DIP2C: variants seen among roughly 807,000 people sequenced by gnomAD.
DIP2C encodes disco-interacting protein 2 homolog C.
Under a neutral mutation model 192.4 loss-of-function variants are expected in DIP2C, and 33 were observed. The observed-to-expected ratio is 0.17, with a 90% CI of 0.13 to 0.23. The LOEUF (loss-of-function observed/expected upper bound fraction) is 0.23, where lower values mean the gene tolerates loss of function less well. Ranked by LOEUF, DIP2C falls within the 10% of genes least tolerant of loss-of-function variation. DIP2C has a pLI of 1.00. For synonymous variants in DIP2C, 979 were observed against 864.1 expected, an observed-to-expected ratio of 1.13 and a Z score of -2.33; for missense variants, 1,537 against 2,110.1, an observed-to-expected ratio of 0.73 and a Z score of 5.32.
At position 466,910 on chromosome 10, in the gene DIP2C, T is replaced by C. The variant is rs533762851; in HGVS notation, c.268+5529A>G. Among the ~76,000 whole-genome samples, 32 of 146,358 alleles carry C rather than the reference T, an allele frequency of 2.2e-4. 1 individual carries two copies. The East Asian group carries it at 3.4e-3, about 16-fold the overall frequency. ...AGGTGCTGGAGAGGATGTGGAGAAA[T>C]AGGAACACTTTTACACTGTTGGTGG... On this transcript the variant is annotated intron_variant, in intron 3 of 36. Transcript: ENST00000280886.
chr10:673,162 C>T (rs755892840), intron 1 of DIP2C, among the ~76,000 whole-genome samples: 5 of 152,128 alleles, frequency 3.3e-5, no homozygotes, highest in African/African-American at 9.7e-5. Flanking sequence ...GAGCTCCTGC[C>T]GCCCACCCCA....
intron 14 of DIP2C, among the ~76,000 whole-genome samples, chr10:385,777 A>G (rs1962841769): frequency 6.6e-6 from 1 of 152,120 alleles, no homozygotes; most frequent in Non-Finnish European, 1.5e-5. Flanking sequence ...GGATTCTTGC[A>G]GTCTTGTAGG....
At chr10:614,170 G>T (rs1387666663) in intron 1 of DIP2C, among the ~76,000 whole-genome samples, 1 of 152,196 alleles carries the variant, frequency 6.6e-6, no homozygotes, top group Non-Finnish European at 1.5e-5. Flanking sequence ...CCACCTAAAA[G>T]GTATCACTGG....
chr10:559,444 A>C (rs754891885), intron 1 of DIP2C, among the ~76,000 whole-genome samples: 1 of 152,074 alleles, frequency 6.6e-6, no homozygotes, highest in Non-Finnish European at 1.5e-5. Flanking sequence ...AACATATTTA[A>C]AAGCCCAGGG....
At chr10:426,857 A>T (rs1239549697) in intron 4 of DIP2C, among the ~76,000 whole-genome samples, 2 of 152,208 alleles carry the variant, frequency 1.3e-5, no homozygotes. Flanking sequence ...CACAACAAAC[A>T]AACAAAAATC....
Position 362,580 on chromosome 10 carries a change from A to C in DIP2C, c.2704T>G (p.Phe902Val). Residue 902 changes from phenylalanine to valine, a missense_variant, in exon 22 of 37, where the codon TTT becomes GTT. Physicochemically the swap from Phe to Val is conservative, Grantham distance 50. Coordinates refer to ENST00000280886, the MANE Select transcript of DIP2C (RefSeq NM_014974.3). ...GIHLSETKQL[F>V]LEGSLHPCNV... ...CAGGGGTGCAGAGAGCCCTCCAGAA[A>C]AAGCTGTTTTGTTTCTGATAAATGG... 6.2e-7 allele frequency: 1 copy of C among 1,614,138 alleles called. No homozygotes were observed. The highest frequency in any genetic ancestry group is 8.5e-7 in the Non-Finnish European group (1 of 1,180,006).
intron 3 of DIP2C, among the ~76,000 whole-genome samples, chr10:441,429 T>C (rs554640491): frequency 3.9e-5 from 6 of 152,242 alleles, no homozygotes; most frequent in South Asian, 4.1e-4. Flanking sequence ...GTGTTGGCTA[T>C]TGACATGGGT....
intron 3 of DIP2C, among the ~76,000 whole-genome samples, chr10:461,406 C>A (rs1354846486): frequency 6.6e-6 from 1 of 152,158 alleles, no homozygotes; most frequent in Non-Finnish European, 1.5e-5. Context: ...ATAAAACATA[C>A]TTTAAACCAA....
At position 363,264 on chromosome 10, in the gene DIP2C, A is replaced by G; in HGVS notation, c.2525T>C (p.Ile842Thr). 6.2e-7 allele frequency: 1 copy of G among 1,613,436 alleles called. No homozygotes were observed. The highest frequency in any genetic ancestry group is 1.3e-5 in the African/African-American group (1 of 75,004). The change falls in exon 21 of 37, where the codon ATC becomes ACC. Residue 842 changes from isoleucine (I) to threonine (T), a missense_variant. Physicochemically the swap from Ile to Thr is moderately conservative, Grantham distance 89. This residue lies in a region of DIP2C where 677 missense variants were observed against 989.9 expected (regional missense o/e 0.68). Transcript: ENST00000280886. The surrounding 1 kb of genome is among the most constrained non-coding windows in gnomAD (Gnocchi z 5.4). ...VTVLHDERIV[I>T]VAEQRPDSTE... is the part of the protein sequence containing the mutation. ...GGAGTCAGGCCTCTGCTCAGCCACG[A>G]TCACGATCCTCTCGTCGTGCAGCAC...
At chr10:399,411 G>C (rs1200309542) in intron 9 of DIP2C, among the ~76,000 whole-genome samples, 192 bp from the exon 10 acceptor site, 1 of 152,320 alleles carries the variant, frequency 6.6e-6, no homozygotes, top group African/African-American at 2.4e-5. Context: ...AGACAAACGT[G>C]AACAGTCGTC....
intron 1 of DIP2C, among the ~76,000 whole-genome samples, chr10:495,577 A>G (rs910306143): frequency 6.6e-6 from 1 of 152,166 alleles, no homozygotes; most frequent in Non-Finnish European, 1.5e-5. Flanking sequence ...GAACAAAAAA[A>G]AAAAAATAAA....
intron 4 of DIP2C, among the ~76,000 whole-genome samples, chr10:431,453 A>T (rs532107169): frequency 2.2e-4 from 34 of 151,960 alleles, no homozygotes; most frequent in East Asian, 3.9e-4. Context: ...ATTTTTTTTT[A>T]AATTATTATT....
intron 32 of DIP2C, among the ~76,000 whole-genome samples, chr10:301,866 G>T (rs756969833): frequency 5.3e-5 from 8 of 152,216 alleles, no homozygotes; most frequent in Non-Finnish European, 1.0e-4. Context: ...ACACCAGGAG[G>T]ACGGCAAAGC....
At chr10:559,838 C>T (rs1417152370) in intron 1 of DIP2C, among the ~76,000 whole-genome samples, 1 of 152,236 alleles carries the variant, frequency 6.6e-6, no homozygotes, top group East Asian at 1.9e-4. Context: ...GGGTTCAGCA[C>T]AGCACGGTCC....
chr10:525,686 T>G (rs576734850), intron 1 of DIP2C, among the ~76,000 whole-genome samples: 12 of 152,192 alleles, frequency 7.9e-5, no homozygotes, highest in Middle Eastern at 3.4e-3. Flanking sequence ...CTTTGAATGC[T>G]TCGTAGGTGG....
At chr10:492,417 C>T (rs1564784631) in intron 1 of DIP2C, among the ~76,000 whole-genome samples, 1 of 152,250 alleles carries the variant, frequency 6.6e-6, no homozygotes. Flanking sequence ...GCCCCTGCCA[C>T]ATTTCCAGTG....
chr10:440,787 G>A, intron 4 of DIP2C, 84 bp downstream of exon 4: 1 of 1,500,198 alleles, frequency 6.7e-7, no homozygotes, highest in East Asian at 2.3e-5. Context: ...TATTTTGAAA[G>A]CAAAAACCCC....
chr10:369,601 C>T lies in DIP2C; in HGVS notation c.2024G>A (p.Arg675Gln), dbSNP rs1564625142. The T allele has an allele frequency of 6.2e-6, 10 of 1,613,722 alleles. No individual in the cohort carries two copies. The highest frequency in any genetic ancestry group is 2.2e-5 in the East Asian group (1 of 44,878). ...PTDDSNQPPG[R>Q]GVLSMHGLTY... ...CAGTCCATGCATGGAGAGGACACCC[C>T]GGCCCGGGGGCTGGTTACTGTCATC... is the stretch of plus-strand genomic sequence containing the variant. Residue 675 changes from arginine (R) to glutamine (Q), a missense_variant, in exon 18 of 37, where the codon CGG becomes CAG. Physicochemically the swap from Arg to Gln is conservative, Grantham distance 43. Coordinates refer to ENST00000280886, the MANE Select transcript of DIP2C (RefSeq NM_014974.3).
intron 24 of DIP2C, among the ~76,000 whole-genome samples, chr10:353,923 A>G (rs375243862): frequency 2.0e-5 from 3 of 152,382 alleles, no homozygotes; most frequent in East Asian, 3.9e-4. Context: ...TTTCCGCTGG[A>G]CGGTGCTGAA....
Sources: gnomAD v4.1 joint callset for allele counts (sites outside exome capture counted in the v4.1 genomes callset) on GRCh38, gnomAD v4.1.1 for gene constraint, gnomAD v4.1.1 regional missense constraint, Gnocchi (gnomAD v3.1) non-coding constraint, MANE v1.5 for transcripts, NCBI Gene and HGNC (gene_info 2026-07-23, HGNC 2026-07-21) for gene names.